SLC35F1: variants seen among roughly 807,000 people sequenced by gnomAD.
The protein encoded by SLC35F1 is solute carrier family 35 member F1.
Under a neutral mutation model 48.7 loss-of-function variants are expected in SLC35F1, and 14 were observed. The observed-to-expected ratio is 0.29, with a 90% CI of 0.19 to 0.45. The LOEUF is 0.45. Among genes scored for constraint, SLC35F1 ranks in the 20% least tolerant of loss-of-function variants. SLC35F1 has a pLI of 1.00. For missense variants in SLC35F1, 404 were observed against 500.0 expected (o/e 0.81, Z 1.83); for synonymous variants, 190 against 202.2 (o/e 0.94, Z 0.51).
chr6:117,935,703 A>G (rs919647458), intron 1 of SLC35F1, among the ~76,000 whole-genome samples: 2 of 152,206 alleles, frequency 1.3e-5, no homozygotes, highest in African/African-American at 4.8e-5. Context: ...AATGTGAAAC[A>G]TAGCACTAAA....
chr6:118,056,780 C>G (rs972735643), intron 1 of SLC35F1, among the ~76,000 whole-genome samples: 1 of 152,130 alleles, frequency 6.6e-6, no homozygotes, highest in African/African-American at 2.4e-5. Flanking sequence ...GCCTGATAAT[C>G]ATTATCTTGG....
intron 2 of SLC35F1, among the ~76,000 whole-genome samples, chr6:118,229,213 G>A (rs1775257828): frequency 6.6e-6 from 1 of 152,126 alleles, no homozygotes; most frequent in African/African-American, 2.4e-5. Flanking sequence ...AGCATATGAC[G>A]ATTATTTTTG....
chr6:118,141,151 C>T (rs923351329), intron 1 of SLC35F1, among the ~76,000 whole-genome samples: 1 of 152,214 alleles, frequency 6.6e-6, no homozygotes, highest in African/African-American at 2.4e-5. Context: ...AGCAGAGCAA[C>T]TTCCAGTCCT....
At chr6:117,913,561 C>A (rs1007639877) in intron 1 of SLC35F1, among the ~76,000 whole-genome samples, 1 of 152,104 alleles carries the variant, frequency 6.6e-6, no homozygotes, top group African/African-American at 2.4e-5. Context: ...TAACCTTGTT[C>A]TGACACTTTG....
chr6:117,908,472 G>T (rs1359709329), intron 1 of SLC35F1, among the ~76,000 whole-genome samples: 1 of 152,244 alleles, frequency 6.6e-6, no homozygotes, highest in Admixed American at 6.5e-5. Context: ...TCCTGGCTGG[G>T]AGCAGCGAAG....
intron 1 of SLC35F1, among the ~76,000 whole-genome samples, chr6:117,929,377 A>T (rs1776070099): frequency 6.6e-6 from 1 of 150,988 alleles, no homozygotes; most frequent in African/African-American, 2.4e-5. Flanking sequence ...TGTCAATAGG[A>T]TCTATCTATC....
intron 1 of SLC35F1, among the ~76,000 whole-genome samples, chr6:118,120,523 T>C (rs1773539084): frequency 6.6e-6 from 1 of 152,190 alleles, no homozygotes. Context: ...TGTTACCCCC[T>C]ACAACTTATC....
chr6:118,084,110 G>T (rs776929849), intron 1 of SLC35F1, among the ~76,000 whole-genome samples: 8 of 152,132 alleles, frequency 5.3e-5, no homozygotes, highest in Non-Finnish European at 1.0e-4. Context: ...CTTGCCCAGG[G>T]TCACATGGCT....
Position 117,907,798 on chromosome 6 carries a change from C to G in SLC35F1, c.72C>G (p.Thr24=), listed in dbSNP as rs375649871. 178 of 1,558,466 alleles carry G rather than the reference C, an allele frequency of 1.1e-4. No homozygotes were observed. In the African/African-American group the frequency reaches 2.2e-3, roughly 19 times the overall value. ...PSPAPPNHVV[T]TIENLPAEGS... Reference sequence around the variant, plus strand: ...CAGCCCCGCCGAACCATGTGGTGACCACCATCGAGAACCTGCCGGCCGAGG... The same window carrying G: ...CAGCCCCGCCGAACCATGTGGTGACGACCATCGAGAACCTGCCGGCCGAGG... The change falls in exon 1 of 8, where the codon ACC becomes ACG. Residue 24 remains threonine (T), a synonymous_variant. Transcript: ENST00000360388.
At chr6:117,966,142 CACTCCCG>C (rs1562250370) in intron 1 of SLC35F1, among the ~76,000 whole-genome samples, 92 of 134,586 alleles carry the variant, frequency 6.8e-4, no homozygotes, top group African/African-American at 1.3e-3. Flanking sequence ...CCCCCCCCCC[CACTCCCG>C]CCCCGCCCCA....
rs1023906522 is a variant in SLC35F1 at position 118,014,612 on chromosome 6, G to A, written c.173+106713G>A. On this transcript the variant is annotated intron_variant, in intron 1 of 7. Coordinates refer to ENST00000360388, the MANE Select transcript of SLC35F1 (RefSeq NM_001029858.4). ...GTTGGTGTGGTCATGACAGGAGGCAGCTTTGGATTTCTCAGGAGCTGTGGA... is the reference window on the plus strand; with the variant it reads ...GTTGGTGTGGTCATGACAGGAGGCAACTTTGGATTTCTCAGGAGCTGTGGA... Among the ~76,000 whole-genome samples, 8 of 152,270 alleles carry A rather than the reference G, an allele frequency of 5.3e-5. No homozygotes were observed. The East Asian group carries it at 1.5e-3, about 29-fold the overall frequency.
intron 1 of SLC35F1, among the ~76,000 whole-genome samples, chr6:118,072,576 A>G (rs1772750856): frequency 6.6e-6 from 1 of 152,100 alleles, no homozygotes. Context: ...AAAAAGAAAA[A>G]AAAAATTAGA....
intron 3 of SLC35F1, among the ~76,000 whole-genome samples, chr6:118,247,965 C>G (rs374029554): frequency 6.6e-6 from 1 of 152,248 alleles, no homozygotes. Context: ...TTGGTTCTTT[C>G]CAAATAGTAA....
Position 117,923,753 on chromosome 6 carries a change from A to G in SLC35F1, c.173+15854A>G, listed in dbSNP as rs996942385. Among the ~76,000 whole-genome samples the G allele has an allele frequency of 2.5e-3, 153 of 61,724 alleles. 12 individuals carry two copies. The highest frequency in any genetic ancestry group is 4.0e-3 in the Non-Finnish European group (98 of 24,300). The allele number at this position is 61,724 out of a possible 152,430, so 40.5% of individuals were successfully genotyped here. On this transcript the variant is annotated intron_variant, in intron 1 of 7. Coordinates refer to ENST00000360388, the MANE Select transcript of SLC35F1 (RefSeq NM_001029858.4). ...TATGTATATATACATATATGTACAT[A>G]TATACATATGCACATACATATGTAT...
intron 2 of SLC35F1, among the ~76,000 whole-genome samples, chr6:118,183,077 G>A (rs1774606058): frequency 6.6e-6 from 1 of 152,182 alleles, no homozygotes; most frequent in South Asian, 2.1e-4. Context: ...CTGTTTCAAA[G>A]TAAGAAGAAC....
At chr6:117,986,216 C>G (rs1776846142) in intron 1 of SLC35F1, among the ~76,000 whole-genome samples, 1 of 152,216 alleles carries the variant, frequency 6.6e-6, no homozygotes, top group Admixed American at 6.5e-5. Flanking sequence ...TAGCTTGGAT[C>G]AGATGGCTGC....
intron 1 of SLC35F1, among the ~76,000 whole-genome samples, chr6:117,965,542 A>T (rs904419967): frequency 2.6e-5 from 4 of 152,096 alleles, no homozygotes; most frequent in African/African-American, 7.2e-5. Flanking sequence ...GAGGAAGAGC[A>T]CCCGTCCTCC....
intron 3 of SLC35F1, among the ~76,000 whole-genome samples, chr6:118,256,072 T>C (rs1268541533): frequency 1.3e-5 from 2 of 152,116 alleles, no homozygotes; most frequent in Non-Finnish European, 2.9e-5. Flanking sequence ...CCTGGTCAGA[T>C]TTTCAGATGC....
chr6:118,085,277 G>A, intron 1 of SLC35F1, among the ~76,000 whole-genome samples: 1 of 152,042 alleles, frequency 6.6e-6, no homozygotes, highest in Non-Finnish European at 1.5e-5. Flanking sequence ...TCCACTTTCA[G>A]GGCTAACAGC....
Sources: allele counts gnomAD v4.1 joint callset (sites outside exome capture counted in the v4.1 genomes callset), GRCh38; gene constraint gnomAD v4.1.1; transcripts MANE v1.5; gene names NCBI Gene and HGNC (gene_info 2026-07-23, HGNC 2026-07-21).